Variants in AUTS2 observed in about 807,000 individuals in gnomAD.
AUTS2 encodes the protein activator of transcription and developmental regulator AUTS2.
A neutral mutation model predicts 112.4 loss-of-function variants in AUTS2; 17 were observed. That is an observed-to-expected ratio of 0.15 (90% CI 0.10 to 0.23). The LOEUF is 0.23. Ranked by LOEUF, AUTS2 falls within the 10% of genes least tolerant of loss-of-function variation. The pLI is 1.00. For synonymous variants in AUTS2, 751 were observed against 702.7 expected (o/e 1.07, Z -1.09); for missense variants, 1,510 against 1,701.6 (o/e 0.89, Z 1.98).
chr7:70,432,352 ACTT>A (rs1795708809), intron 4 of AUTS2, among the ~76,000 whole-genome samples: 2 of 152,282 alleles, frequency 1.3e-5, no homozygotes, highest in South Asian at 2.1e-4. Context: ...AGGAGCAGAC[ACTT>A]CTTCTTTTAA....
chr7:70,108,010 CAAA>C (rs1206864743), intron 2 of AUTS2, among the ~76,000 whole-genome samples: 1 of 107,686 alleles, frequency 9.3e-6, no homozygotes, highest in East Asian at 2.7e-4. Context: ...GACTCTGTCT[CAAA>C]AAAAAAAAAA....
chr7:70,562,316 T>C (rs1470078215), intron 5 of AUTS2, among the ~76,000 whole-genome samples: 1 of 152,232 alleles, frequency 6.6e-6, no homozygotes, highest in African/African-American at 2.4e-5. Context: ...CATGTCACTT[T>C]CCTACCTGAA....
At chr7:70,362,174 G>A (rs1792299281) in intron 4 of AUTS2, among the ~76,000 whole-genome samples, 1 of 152,188 alleles carries the variant, frequency 6.6e-6, no homozygotes, top group South Asian at 2.1e-4. Context: ...TTTAACATCA[G>A]ATTGGGTGTT....
chr7:70,363,801 C>T (rs1410228702), intron 4 of AUTS2, among the ~76,000 whole-genome samples: 1 of 152,122 alleles, frequency 6.6e-6, no homozygotes, highest in East Asian at 1.9e-4. Context: ...ACATTTTTTC[C>T]TAAAAACCTA....
At chr7:69,880,140 C>T (rs1297410958) in intron 1 of AUTS2, among the ~76,000 whole-genome samples, 2 of 152,110 alleles carry the variant, frequency 1.3e-5, no homozygotes, top group Admixed American at 6.6e-5. Flanking sequence ...GAAGCAGGCA[C>T]ATCTTACGTG....
intron 2 of AUTS2, among the ~76,000 whole-genome samples, chr7:70,071,184 T>G (rs747316553): frequency 2.6e-5 from 4 of 152,212 alleles, no homozygotes; most frequent in Non-Finnish European, 5.9e-5. Context: ...TTATTCCATT[T>G]GGGAATTCTG....
intron 2 of AUTS2, among the ~76,000 whole-genome samples, chr7:70,031,915 CTTCTT>C (rs748566211): frequency 1.3e-5 from 2 of 152,116 alleles, no homozygotes; most frequent in African/African-American, 2.4e-5. Context: ...ACTACCACTG[CTTCTT>C]TTCTTCTGAA....
chr7:70,559,225 G>A (rs748513220), intron 5 of AUTS2, among the ~76,000 whole-genome samples: 10 of 152,094 alleles, frequency 6.6e-5, no homozygotes, highest in South Asian at 2.1e-4. Flanking sequence ...CTGTGAGTCC[G>A]TTAAATCTCT....
chr7:69,969,803 A>T (rs1797775529), intron 2 of AUTS2, among the ~76,000 whole-genome samples: 2 of 152,212 alleles, frequency 1.3e-5, no homozygotes, highest in Non-Finnish European at 2.9e-5. Flanking sequence ...TTTTGATTTG[A>T]TATAAGCTTG....
At chr7:70,513,390 A>G (rs548793148) in intron 5 of AUTS2, among the ~76,000 whole-genome samples, 2 of 152,340 alleles carry the variant, frequency 1.3e-5, no homozygotes, top group East Asian at 1.9e-4. Context: ...ATTGTTTTCC[A>G]TAATTGAAGA....
At chr7:70,685,472 C>CAAA (rs34403837) in intron 5 of AUTS2, among the ~76,000 whole-genome samples, 68 of 64,526 alleles carry the variant, frequency 1.1e-3, no homozygotes, top group Non-Finnish European at 1.6e-3. Flanking sequence ...GACTCTGTCT[C>CAAA]AAAAAAAAAA....
intron 5 of AUTS2, among the ~76,000 whole-genome samples, chr7:70,535,272 G>A (rs1485660174): frequency 6.6e-6 from 1 of 152,100 alleles, no homozygotes; most frequent in Non-Finnish European, 1.5e-5. Context: ...AGAGCACTTG[G>A]TGCCTCTTAT....
At chr7:70,354,231 A>G (rs1490985994) in intron 4 of AUTS2, among the ~76,000 whole-genome samples, 1 of 152,236 alleles carries the variant, frequency 6.6e-6, no homozygotes, top group African/African-American at 2.4e-5. Context: ...CCAAGTCTTC[A>G]AGGCCCATTT....
chr7:70,461,962 C>T (rs139997767), intron 5 of AUTS2, among the ~76,000 whole-genome samples: 4 of 152,174 alleles, frequency 2.6e-5, no homozygotes, highest in East Asian at 3.9e-4. Flanking sequence ...CTTTTTAAAG[C>T]GGAAAGGGGC....
intron 2 of AUTS2, among the ~76,000 whole-genome samples, chr7:70,095,018 G>C (rs1374468127): frequency 6.6e-6 from 1 of 152,102 alleles, no homozygotes; most frequent in Non-Finnish European, 1.5e-5. Flanking sequence ...CAAGCCCGCA[G>C]GGAGATCTGC....
At chr7:70,789,106 A>G (rs1345193996) in intron 18 of AUTS2, among the ~76,000 whole-genome samples, 2 of 152,100 alleles carry the variant, frequency 1.3e-5, no homozygotes, top group African/African-American at 4.8e-5. Context: ...TTCTTATCCC[A>G]TCTGGTGCAC....
intron 6 of AUTS2, among the ~76,000 whole-genome samples, chr7:70,722,218 A>G (rs1382005810): frequency 1.3e-5 from 2 of 152,022 alleles, no homozygotes; most frequent in Non-Finnish European, 2.9e-5. Flanking sequence ...AGGAAGTCCT[A>G]CTTTGTGAAT....
intron 5 of AUTS2, among the ~76,000 whole-genome samples, chr7:70,660,895 T>A (rs973211316): frequency 6.6e-6 from 1 of 152,220 alleles, no homozygotes; most frequent in African/African-American, 2.4e-5. Flanking sequence ...TGCCAGAGCC[T>A]GGCATTTCAC....
At chr7:69,762,068 C>A (rs1223856243) in intron 1 of AUTS2, among the ~76,000 whole-genome samples, 1 of 152,076 alleles carries the variant, frequency 6.6e-6, no homozygotes. Context: ...ACAATGTTCA[C>A]TATTTGAGAG....
Sources: gnomAD v4.1 joint callset for allele counts (sites outside exome capture counted in the v4.1 genomes callset) on GRCh38, gnomAD v4.1.1 for gene constraint, MANE v1.5 for transcripts, NCBI Gene and HGNC (gene_info 2026-07-23, HGNC 2026-07-21) for gene names.